CACNB4: variants seen among roughly 807,000 people sequenced by gnomAD.
The protein encoded by CACNB4 is voltage-dependent L-type calcium channel subunit beta-4.
In CACNB4, 32 loss-of-function variants were observed where a neutral mutation model predicts 71.2. The ratio of observed to expected loss-of-function variants is 0.45; its 90% confidence interval spans 0.34 to 0.60. The LOEUF is 0.60. CACNB4 is among the 20% of genes least tolerant of loss of function. The probability of loss-of-function intolerance (pLI) is 0.01; values close to 1 mark genes in which losing one functional copy is unlikely to be tolerated. For synonymous variants in CACNB4, 231 were observed against 236.9 expected (o/e 0.97, Z 0.23); for missense variants, 464 against 647.9 (o/e 0.72, Z 3.08).
At chr2:151,975,274 G>A (rs940726426) in intron 2 of CACNB4, among the ~76,000 whole-genome samples, 4 of 152,182 alleles carry the variant, frequency 2.6e-5, no homozygotes, top group Admixed American at 6.5e-5. Context: ...TCTGAAAAGC[G>A]TAACTCTTAA....
chr2:151,912,737 G>A (rs764146536), intron 2 of CACNB4, among the ~76,000 whole-genome samples: 6 of 151,602 alleles, frequency 4.0e-5, no homozygotes, highest in Admixed American at 2.0e-4. Flanking sequence ...TTTCTGTCTC[G>A]TTGATCTGTC....
At chr2:152,035,922 C>T (rs909146580) in intron 2 of CACNB4, among the ~76,000 whole-genome samples, 2 of 152,082 alleles carry the variant, frequency 1.3e-5, no homozygotes, top group Admixed American at 6.6e-5. Context: ...GTGGAAGCAA[C>T]CTAAATGTCC....
intron 2 of CACNB4, among the ~76,000 whole-genome samples, chr2:151,896,790 A>G (rs2099852190): frequency 6.6e-6 from 1 of 152,206 alleles, no homozygotes; most frequent in Non-Finnish European, 1.5e-5. Flanking sequence ...TAGGGTTTTG[A>G]TTGGAATAAA....
intron 2 of CACNB4, among the ~76,000 whole-genome samples, chr2:151,958,753 G>T (rs2099868932): frequency 6.6e-6 from 1 of 152,140 alleles, no homozygotes; most frequent in Admixed American, 6.5e-5. Context: ...CTCCCTGCCT[G>T]AATTCTTCCT....
chr2:152,010,555 A>C (rs577257220), intron 2 of CACNB4, among the ~76,000 whole-genome samples: 1 of 152,380 alleles, frequency 6.6e-6, no homozygotes, highest in Admixed American at 6.5e-5. Flanking sequence ...GAGACTTCAC[A>C]CATGTCATTG....
Position 151,839,209 on chromosome 2 carries a change from A to G in CACNB4, c.1473T>C (p.Asp491=). 1.2e-6 allele frequency: 2 copies of G among 1,613,638 alleles called. No homozygotes were observed. Among genetic ancestry groups the G allele is most frequent in the Non-Finnish European group, 1.7e-6 (2 of 1,179,650 alleles). Residue 491 remains aspartate, a synonymous_variant, in exon 14 of 14, where the codon GAT becomes GAC. Coordinates refer to ENST00000539935, the MANE Select transcript of CACNB4 (RefSeq NM_000726.5). ...AAGTGTCCTGGTATGAGTCAGGGTA[A>G]TCTTCTTCCACAAGAGGGTAATGAT... ...SRDHYPLVEE[D]YPDSYQDTYK...
At chr2:151,913,554 A>G (rs2099856745) in intron 2 of CACNB4, among the ~76,000 whole-genome samples, 1 of 152,010 alleles carries the variant, frequency 6.6e-6, no homozygotes, top group Non-Finnish European at 1.5e-5. Flanking sequence ...TCATGAGGTC[A>G]GGAGATCGAG....
intron 2 of CACNB4, chr2:151,969,001 A>G (rs2099871836): frequency 6.6e-6 from 1 of 152,252 alleles, no homozygotes; most frequent in Non-Finnish European, 1.5e-5. Flanking sequence ...ATTTCAATAT[A>G]TATTTTAGAA....
chr2:152,016,292 A>G (rs1176116512), intron 2 of CACNB4, among the ~76,000 whole-genome samples: 1 of 152,242 alleles, frequency 6.6e-6, no homozygotes, highest in Non-Finnish European at 1.5e-5. Context: ...TACTTTGTAC[A>G]AACTATATGT....
intron 2 of CACNB4, among the ~76,000 whole-genome samples, chr2:152,046,077 TA>T (rs1441041193): frequency 1.9e-4 from 29 of 152,212 alleles, no homozygotes; most frequent in African/African-American, 6.3e-4. Flanking sequence ...CATATAGAAA[TA>T]AAATCAACAT....
intron 2 of CACNB4, among the ~76,000 whole-genome samples, chr2:151,994,677 C>T (rs576066112): frequency 7.5e-4 from 115 of 152,360 alleles, no homozygotes; most frequent in Non-Finnish European, 1.3e-3. Context: ...TTTCTACAGG[C>T]TGCCTCATAG....
At chr2:152,026,444 G>A (rs187988008) in intron 2 of CACNB4, among the ~76,000 whole-genome samples, 276 of 151,976 alleles carry the variant, frequency 1.8e-3, no homozygotes, top group Non-Finnish European at 3.4e-3. Flanking sequence ...GAGTGCAGTG[G>A]TGCCATCTCT....
chr2:152,096,419 G>C (rs1688272367), intron 2 of CACNB4, among the ~76,000 whole-genome samples: 1 of 152,180 alleles, frequency 6.6e-6, no homozygotes, highest in South Asian at 2.1e-4. Flanking sequence ...AGGAGGCAGA[G>C]CTTGCAGTAA....
Position 152,098,556 on chromosome 2 carries a change from C to T in CACNB4, c.64-143G>A. The T allele has an allele frequency of 7.3e-7, 1 of 1,362,982 alleles. No homozygotes were observed. Among genetic ancestry groups the T allele is most frequent in the Non-Finnish European group, 1.0e-6 (1 of 973,880 alleles). 84.4% of individuals were successfully genotyped at this position (1,362,982 alleles called of 1,614,324 possible). On this transcript the variant is annotated intron_variant, in intron 1 of 13. Coordinates refer to ENST00000539935, the MANE Select transcript of CACNB4 (RefSeq NM_000726.5). The surrounding 1 kb of genome is among the most constrained non-coding windows in gnomAD (Gnocchi z 5.3). ...GCACCCAAGTCTCCTCCGCGACTCC[C>T]AAATACAGCCCCCACCCCCACCCAC...
At chr2:152,062,207 T>G (rs1686058620) in intron 2 of CACNB4, among the ~76,000 whole-genome samples, 1 of 151,974 alleles carries the variant, frequency 6.6e-6, no homozygotes, top group Non-Finnish European at 1.5e-5. Context: ...AAACACATGC[T>G]AATACATGGA....
intron 2 of CACNB4, among the ~76,000 whole-genome samples, chr2:151,895,959 AT>A (rs2099851945): frequency 6.6e-6 from 1 of 151,630 alleles, no homozygotes; most frequent in Non-Finnish European, 1.5e-5. Context: ...ATTCTCCTGC[AT>A]CAGCCTCCCC....
In CACNB4 at chr2:152,015,230, T is replaced by C. The variant is rs532107376; in HGVS notation, c.147+83100A>G. Among the ~76,000 whole-genome samples the C allele has an allele frequency of 2.6e-5, 4 of 152,286 alleles. No homozygotes were observed. In the East Asian group the frequency reaches 7.7e-4, roughly 29 times the overall value. On this transcript the variant is annotated intron_variant, in intron 2 of 13. Coordinates refer to ENST00000539935, the MANE Select transcript of CACNB4 (RefSeq NM_000726.5). Reference sequence around the variant, plus strand: ...TCACCGCAACCTCCGCCTCCAGGGTTCAAGTGATTCTCCTGCCTCAGCCTC... The same window carrying C: ...TCACCGCAACCTCCGCCTCCAGGGTCCAAGTGATTCTCCTGCCTCAGCCTC...
chr2:152,044,768 G>A (rs1685064538), intron 2 of CACNB4, among the ~76,000 whole-genome samples: 1 of 152,166 alleles, frequency 6.6e-6, no homozygotes. Flanking sequence ...TCATGAGCCT[G>A]GCCACCATGG....
intron 2 of CACNB4, among the ~76,000 whole-genome samples, chr2:152,045,938 T>C (rs1685123086): frequency 6.6e-6 from 1 of 152,186 alleles, no homozygotes; most frequent in Admixed American, 6.5e-5. Flanking sequence ...TTCTGATAAA[T>C]GAGCTAGAAT....
Sources: allele counts gnomAD v4.1 joint callset (sites outside exome capture counted in the v4.1 genomes callset), GRCh38; gene constraint gnomAD v4.1.1; non-coding constraint Gnocchi (gnomAD v3.1); transcripts MANE v1.5; gene names NCBI Gene and HGNC (gene_info 2026-07-23, HGNC 2026-07-21).